Variants in TTC23 observed in about 807,000 individuals in gnomAD.
The protein encoded by TTC23 is tetratricopeptide repeat domain 23.
In TTC23, 58 loss-of-function variants were observed where a neutral mutation model predicts 55.1. The ratio of observed to expected loss-of-function variants is 1.05; its 90% CI spans 0.85 to 1.31. The LOEUF is 1.31. Among genes scored for constraint, TTC23 ranks in the 50% most tolerant of loss-of-function variants. TTC23 has a pLI of 0.00. For missense variants in TTC23, 516 were observed against 534.4 expected (o/e 0.97, Z 0.34); for synonymous variants, 203 against 199.9 (o/e 1.02, Z -0.13).
chr15:99,182,248 T>TCACA (rs56223763), intron 9 of TTC23, among the ~76,000 whole-genome samples: 299 of 108,682 alleles, frequency 2.8e-3, no homozygotes, highest in South Asian at 5.1e-3. Flanking sequence ...TCTCTCTCTC[T>TCACA]CACACACACA....
intron 8 of TTC23, among the ~76,000 whole-genome samples, chr15:99,217,828 A>C (rs1200008971): frequency 6.6e-6 from 1 of 152,214 alleles, no homozygotes; most frequent in Non-Finnish European, 1.5e-5. Flanking sequence ...TCTTAAAATG[A>C]TTCCGTGGGT....
chr15:99,230,754 C>T (rs570000529), intron 4 of TTC23, among the ~76,000 whole-genome samples: 4 of 152,212 alleles, frequency 2.6e-5, no homozygotes, highest in East Asian at 1.9e-4. Flanking sequence ...CCTTAAATTC[C>T]GTACTGGTGA....
chr15:99,227,200 G>C (rs1015042018), intron 5 of TTC23, among the ~76,000 whole-genome samples: 2 of 152,132 alleles, frequency 1.3e-5, no homozygotes, highest in African/African-American at 4.8e-5. Context: ...TCTTTCTCCT[G>C]TATTTGTTAT....
Position 99,188,717 on chromosome 15 carries a change from T to G in TTC23, c.759+11202A>C, listed in dbSNP as rs73463336. Among the ~76,000 whole-genome samples, 1,499 of 152,176 alleles carry G rather than the reference T, an allele frequency of 9.9e-3. 36 individuals carry two copies. The highest frequency in any genetic ancestry group is 0.034 in the African/African-American group (1,422 of 41,536). On this transcript the variant is annotated intron_variant, in intron 9 of 13. Transcript: ENST00000394132. ...TTAAACATATGAAAAGATGTTCAAC[T>G]CCTTTTTAAAAAATATAAATGCAAA... is the stretch of plus-strand genomic sequence containing the variant.
chr15:99,149,227 G>A (rs1303634537), intron 12 of TTC23, among the ~76,000 whole-genome samples: 1 of 152,222 alleles, frequency 6.6e-6, no homozygotes, highest in Non-Finnish European at 1.5e-5. Flanking sequence ...CAGTCAGCCT[G>A]TCCTCACATA....
chr15:99,202,464 G>C (rs890865858), intron 8 of TTC23, among the ~76,000 whole-genome samples: 4 of 152,082 alleles, frequency 2.6e-5, no homozygotes, highest in Admixed American at 2.6e-4. Flanking sequence ...AGTATTTAAA[G>C]TTTAGTAATC....
At chr15:99,214,745 GT>G (rs1420522280) in intron 8 of TTC23, among the ~76,000 whole-genome samples, 2 of 150,756 alleles carry the variant, frequency 1.3e-5, no homozygotes, top group African/African-American at 2.4e-5. Flanking sequence ...TATGATTCTA[GT>G]TTTCATTTTC....
intron 8 of TTC23, among the ~76,000 whole-genome samples, chr15:99,214,111 CTTAT>C (rs771432341): frequency 2.6e-5 from 4 of 152,042 alleles, no homozygotes; most frequent in Non-Finnish European, 5.9e-5. Context: ...GTAAGAGTAT[CTTAT>C]TTATTTATTT....
chr15:99,158,769 C>G (rs930832767), intron 11 of TTC23: 2 of 152,296 alleles, frequency 1.3e-5, no homozygotes, highest in East Asian at 3.8e-4. Context: ...GTGGGAACAC[C>G]TGGGATGGCC....
At chr15:99,229,264 T>C (rs527617797) in intron 4 of TTC23, among the ~76,000 whole-genome samples, 2 of 152,260 alleles carry the variant, frequency 1.3e-5, no homozygotes, top group South Asian at 4.1e-4. Flanking sequence ...TAATTGTTGT[T>C]ACAACTTTTG....
intron 9 of TTC23, among the ~76,000 whole-genome samples, chr15:99,190,736 A>G (rs1291810814): frequency 1.3e-5 from 2 of 152,164 alleles, no homozygotes; most frequent in East Asian, 3.9e-4. Flanking sequence ...TGCTGCATGC[A>G]TATTTGAATT....
Position 99,148,360 on chromosome 15 carries a change from C to CAAAAAAAAAAAAAAAAAAAA in TTC23, c.1143+7768_1143+7787dup. Among the ~76,000 whole-genome samples, 108 of 30,420 alleles carry CAAAAAAAAAAAAAAAAAAAA rather than the reference C, an allele frequency of 3.6e-3. 35 individuals are homozygous for CAAAAAAAAAAAAAAAAAAAA. The highest frequency in any genetic ancestry group is 5.6e-3 in the South Asian group (2 of 356). 20.0% of individuals were successfully genotyped at this position (30,420 alleles called of 152,430 possible). A position where few individuals can be genotyped will look rare whatever the true frequency, so the allele number is the denominator to read the frequency against. ...TGGGTGACAGAGTGAGACTCTGTAC[C>CAAAAAAAAAAAAAAAAAAAA]AAAAAAAAAAAAAAAAAAAAAAAAA... On this transcript the variant is annotated intron_variant, in intron 12 of 13. Transcript: ENST00000394132.
At chr15:99,188,143 T>C (rs2074900986) in intron 9 of TTC23, among the ~76,000 whole-genome samples, 1 of 152,056 alleles carries the variant, frequency 6.6e-6, no homozygotes, top group African/African-American at 2.4e-5. Context: ...ATCTGTATAA[T>C]GGAATATTAT....
In TTC23 at chr15:99,187,397, C is replaced by T. The variant is rs1173722646; in HGVS notation, c.760-12242G>A. Among the ~76,000 whole-genome samples the T allele has an allele frequency of 9.5e-5, 13 of 136,716 alleles. No homozygotes were observed. In the Admixed American group the frequency reaches 9.6e-4, roughly 10 times the overall value. 89.7% of individuals were successfully genotyped at this position (136,716 alleles called of 152,430 possible). ...CTTAGAAGAAAACTCAGATGTAAGC[C>T]TTCATGACCTTGGATTAGGGAATGA... On this transcript the variant is annotated intron_variant, in intron 9 of 13. Transcript: ENST00000394132.
intron 9 of TTC23, among the ~76,000 whole-genome samples, chr15:99,193,651 C>G (rs1162591422): frequency 6.6e-6 from 1 of 152,178 alleles, no homozygotes; most frequent in African/African-American, 2.4e-5. Context: ...AATACAATCA[C>G]TGATGTCTTT....
At chr15:99,147,461 G>A (rs11852664) in intron 12 of TTC23, among the ~76,000 whole-genome samples, 34,111 of 151,786 alleles carry the variant, frequency 0.22, 4,998 homozygotes, top group African/African-American at 0.43. Context: ...TCCTGACCTC[G>A]TGATCCTCCT....
intron 8 of TTC23, among the ~76,000 whole-genome samples, chr15:99,216,537 TACAGGAAACTC>T (rs2077487554): frequency 6.6e-6 from 1 of 151,990 alleles, no homozygotes; most frequent in African/African-American, 2.4e-5. Flanking sequence ...ATAGGAAAGG[TACAGGAAACTC>T]TAAAAGAAAA....
intron 5 of TTC23, among the ~76,000 whole-genome samples, chr15:99,223,897 T>C (rs73469351): frequency 0.014 from 2,139 of 152,214 alleles, 58 homozygotes; most frequent in African/African-American, 0.049. Context: ...GCAAGAGAGA[T>C]GGCTGAAGAA....
At chr15:99,162,238 A>G (rs1388456933) in intron 10 of TTC23, among the ~76,000 whole-genome samples, 1 of 152,110 alleles carries the variant, frequency 6.6e-6, no homozygotes, top group African/African-American at 2.4e-5. Context: ...TGAGGGTAGG[A>G]CTCTGAAAGT....
Sources: allele counts gnomAD v4.1 joint callset (sites outside exome capture counted in the v4.1 genomes callset), GRCh38; gene constraint gnomAD v4.1.1; transcripts MANE v1.5; gene names NCBI Gene and HGNC (gene_info 2026-07-23, HGNC 2026-07-21).